Variants in RCAN3 observed in about 807,000 individuals in gnomAD.
RCAN3 encodes calcipressin-3.
RCAN3 carries 19 observed loss-of-function variants against 21.9 expected under a neutral mutation model. That is an observed-to-expected ratio of 0.87 (90% CI 0.61 to 1.27). The LOEUF (loss-of-function observed/expected upper bound fraction) is 1.27. RCAN3 is among the 50% of genes most tolerant of loss of function. The pLI is 0.00. For synonymous variants in RCAN3, 114 were observed against 112.3 expected, an observed-to-expected ratio of 1.01 and a Z score of -0.09; for missense variants, 240 against 300.1, an observed-to-expected ratio of 0.80 and a Z score of 1.48.
chr1:24,531,080 T>C, intron 2 of RCAN3, 138 bp from the exon 3 acceptor site: 1 of 574,246 alleles, frequency 1.7e-6, no homozygotes, highest in Non-Finnish European at 2.9e-6. Flanking sequence ...GCAAGAAAAG[T>C]ATACTTTTTT....
At chr1:24,522,315 C>T (rs986192892) in intron 2 of RCAN3, among the ~76,000 whole-genome samples, 4 of 152,274 alleles carry the variant, frequency 2.6e-5, no homozygotes, top group East Asian at 3.9e-4. Flanking sequence ...CCTGAGCTGC[C>T]GTGTCTTTCC....
At chr1:24,504,347 T>C (rs1647284515) in intron 1 of RCAN3, among the ~76,000 whole-genome samples, 1 of 152,120 alleles carries the variant, frequency 6.6e-6, no homozygotes, top group Non-Finnish European at 1.5e-5. Context: ...GGCTAATTTT[T>C]TGTAGAGATT....
intron 2 of RCAN3, among the ~76,000 whole-genome samples, chr1:24,521,283 T>G (rs1023819024): frequency 8.5e-5 from 13 of 152,326 alleles, no homozygotes; most frequent in African/African-American, 3.1e-4. Flanking sequence ...TGCATCCTTA[T>G]TTTATATCAA....
chr1:24,523,998 G>T (rs1226824054), intron 2 of RCAN3, among the ~76,000 whole-genome samples: 1 of 152,156 alleles, frequency 6.6e-6, no homozygotes, highest in Non-Finnish European at 1.5e-5. Context: ...GGCCGAGGTG[G>T]GTGGATCACC....
At chr1:24,524,121 T>C (rs541270577) in intron 2 of RCAN3, among the ~76,000 whole-genome samples, 1 of 151,990 alleles carries the variant, frequency 6.6e-6, no homozygotes, top group Non-Finnish European at 1.5e-5. Flanking sequence ...TCCCAGCTAC[T>C]TGGGAGGCTG....
At chr1:24,506,772 A>G (rs1288629242) in intron 1 of RCAN3, among the ~76,000 whole-genome samples, 1 of 149,716 alleles carries the variant, frequency 6.7e-6, no homozygotes, top group Non-Finnish European at 1.5e-5. Context: ...TTTTTTTTTA[A>G]GTCAGGTGAA....
In RCAN3 at chr1:24,535,815, G is replaced by T. The variant is rs550043712; in HGVS notation, c.*538G>T. On this transcript the variant is annotated 3_prime_UTR_variant, in exon 5 of 5. Coordinates refer to ENST00000374395, the MANE Select transcript of RCAN3 (RefSeq NM_013441.4). ...AACCAGAAATACAGAATAATTCATAGAAATCATGGTTCTCAAGTATTTGTT... is the reference window on the plus strand; with the variant it reads ...AACCAGAAATACAGAATAATTCATATAAATCATGGTTCTCAAGTATTTGTT... The T allele has an allele frequency of 6.6e-6, 1 of 152,316 alleles. No individual in the cohort carries two copies. Among genetic ancestry groups the T allele is most frequent in the South Asian group, 2.1e-4 (1 of 4,826 alleles). The allele number at this position is 152,316 out of a possible 1,614,324, so 9.4% of individuals were successfully genotyped here.
At chr1:24,530,006 AAAAC>A (rs1485741181) in intron 2 of RCAN3, among the ~76,000 whole-genome samples, 1 of 127,208 alleles carries the variant, frequency 7.9e-6, no homozygotes, top group African/African-American at 3.0e-5. Flanking sequence ...CTCAAAAAAA[AAAAC>A]AAAACAAAAT....
intron 2 of RCAN3, among the ~76,000 whole-genome samples, chr1:24,518,808 C>G (rs368797778): frequency 6.6e-6 from 1 of 152,042 alleles, no homozygotes; most frequent in African/African-American, 2.4e-5. Flanking sequence ...GAGTCTCACT[C>G]TGTCACCCAG....
chr1:24,512,352 A>G (rs1179124138), intron 1 of RCAN3, among the ~76,000 whole-genome samples: 2 of 151,722 alleles, frequency 1.3e-5, no homozygotes, highest in Non-Finnish European at 1.5e-5. Flanking sequence ...CTGTCTCAAA[A>G]AAAAAAAAAA....
chr1:24,531,167 C>CT (rs374808456), intron 2 of RCAN3, 51 bp from the exon 3 acceptor site: 57,683 of 928,104 alleles, frequency 0.062, 62 homozygotes, highest in African/African-American at 0.067. Flanking sequence ...AAAGGTTTTT[C>CT]TTTTTTTTTT....
chr1:24,502,474 C>A (rs2148886421), upstream of RCAN3: 1 of 152,616 alleles, frequency 6.6e-6, no homozygotes, highest in South Asian at 2.1e-4. Context: ...GTAAACTCGC[C>A]GCGCGCGGGG....
intron 2 of RCAN3, among the ~76,000 whole-genome samples, chr1:24,528,795 A>G (rs1430570022): frequency 6.6e-5 from 10 of 152,246 alleles, no homozygotes; most frequent in Non-Finnish European, 1.2e-4. Flanking sequence ...AATAGTTGAA[A>G]CAGACCCCCA....
chr1:24,504,213 G>A (rs1647276685), intron 1 of RCAN3, among the ~76,000 whole-genome samples: 1 of 152,068 alleles, frequency 6.6e-6, no homozygotes, highest in South Asian at 2.1e-4. Context: ...TTTGAGACAA[G>A]GCCTCGCTCT....
chr1:24,505,879 C>T (rs952032849), intron 1 of RCAN3, among the ~76,000 whole-genome samples: 3 of 152,116 alleles, frequency 2.0e-5, no homozygotes, highest in East Asian at 1.9e-4. Flanking sequence ...AAAGAATTTG[C>T]GTTTTCCTGA....
intron 1 of RCAN3, among the ~76,000 whole-genome samples, chr1:24,506,686 T>C (rs1249719375): frequency 7.7e-6 from 1 of 130,332 alleles, no homozygotes; most frequent in African/African-American, 3.2e-5. Flanking sequence ...TTTGAAGTTA[T>C]ATCAAAAAAA....
intron 1 of RCAN3, among the ~76,000 whole-genome samples, chr1:24,503,920 T>C (rs916762330): frequency 1.3e-5 from 2 of 152,272 alleles, no homozygotes; most frequent in African/African-American, 4.8e-5. Flanking sequence ...TATCTGTAGC[T>C]GTGATTACAT....
chr1:24,532,479 G>A (rs1359845831), intron 3 of RCAN3, among the ~76,000 whole-genome samples: 3 of 151,642 alleles, frequency 2.0e-5, no homozygotes, highest in Admixed American at 6.6e-5. Flanking sequence ...CACCCGCCTC[G>A]GCCTCCCAAA....
At chr1:24,507,540 T>G (rs1647537969) in intron 1 of RCAN3, 1 of 152,186 alleles carries the variant, frequency 6.6e-6, no homozygotes, top group Non-Finnish European at 1.5e-5. Flanking sequence ...TAGGAGTGAT[T>G]TGTAAACAAA....
Sources: gnomAD v4.1 joint callset for allele counts (sites outside exome capture counted in the v4.1 genomes callset) on GRCh38, gnomAD v4.1.1 for gene constraint, MANE v1.5 for transcripts, NCBI Gene and HGNC (gene_info 2026-07-23, HGNC 2026-07-21) for gene names.